The following RHOU variants were observed in gnomAD, a reference collection of about 807,000 sequenced individuals.
RHOU encodes rho-related GTP-binding protein RhoU.
In RHOU, 8 loss-of-function variants were observed where a neutral mutation model predicts 12.6. The ratio of observed to expected loss-of-function variants is 0.64; its 90% confidence interval spans 0.37 to 1.15. RHOU has a LOEUF of 1.15. Ranked by LOEUF, RHOU falls within the 50% of genes most tolerant of loss-of-function variation. The probability of loss-of-function intolerance (pLI) is 0.01; values close to 1 mark genes in which losing one functional copy is unlikely to be tolerated. For missense variants in RHOU, 258 were observed against 347.0 expected, an observed-to-expected ratio of 0.74 and a Z score of 2.04; for synonymous variants, 161 against 147.4, an observed-to-expected ratio of 1.09 and a Z score of -0.67.
the RHOU span, among the ~76,000 whole-genome samples, chr1:228,671,499 G>A: frequency 3.3e-5 from 5 of 151,712 alleles, no homozygotes; most frequent in East Asian, 1.9e-4. Context: ...AGTGGATTAC[G>A]TTAGGTCAGG....
At chr1:228,733,986 A>G (rs1662544725), upstream of RHOU, among the ~76,000 whole-genome samples, 1 of 152,048 alleles carries the variant, frequency 6.6e-6, no homozygotes, top group Admixed American at 6.5e-5. Context: ...AATTTGTCAT[A>G]AATTTTGCAT....
At chr1:228,653,298 G>T in the RHOU span, among the ~76,000 whole-genome samples, 1 of 152,264 alleles carries the variant, frequency 6.6e-6, no homozygotes, top group East Asian at 1.9e-4. Context: ...TGGGAGTCAG[G>T]CTGGTGCCAT....
the RHOU span, among the ~76,000 whole-genome samples, chr1:228,647,101 C>A: frequency 2.6e-5 from 4 of 152,188 alleles, no homozygotes; most frequent in Non-Finnish European, 4.4e-5. Context: ...CTTCGGTAGG[C>A]AGCCCCCTTT....
the RHOU span, among the ~76,000 whole-genome samples, chr1:228,724,675 A>C: frequency 6.6e-6 from 1 of 152,220 alleles, no homozygotes; most frequent in Non-Finnish European, 1.5e-5. Context: ...ATACATGATT[A>C]TTAACTATAG....
At chr1:228,650,011 T>G in the RHOU span, 2 of 353,212 alleles carry the variant, frequency 5.7e-6, no homozygotes, top group Admixed American at 9.3e-5. Flanking sequence ...ACCATAATTA[T>G]TCTATTCTAA....
In RHOU at chr1:228,743,567, G is replaced by T; in HGVS notation, c.604G>T (p.Glu202Ter). The change falls in exon 3 of 3, where the codon GAG (glutamate) becomes TAG (stop). Residue 202 changes from glutamate to a stop codon, truncating the protein, a stop_gained. Coordinates refer to ENST00000366691, the MANE Select transcript of RHOU (RefSeq NM_021205.6). LOFTEE classifies it high-confidence loss of function. This position sits in a 1 kb window ranked among gnomAD's most constrained non-coding sequence, Gnocchi z 5.1. Reference sequence around the variant, plus strand: ...GGAAATCAAAGCCGCCTCCTACATCGAGTGTTCAGCCTTGACTCAAAAAAA... The same window carrying T: ...GGAAATCAAAGCCGCCTCCTACATCTAGTGTTCAGCCTTGACTCAAAAAAA... ...AEEIKAASYI[E>*]CSALTQKNLK... 1.2e-6 allele frequency: 2 copies of T among 1,614,138 alleles called. No individual in the cohort carries two copies. Among genetic ancestry groups the T allele is most frequent in the South Asian group, 2.2e-5 (2 of 91,066 alleles).
chr1:228,726,613 T>C, the RHOU span, among the ~76,000 whole-genome samples: 3 of 148,734 alleles, frequency 2.0e-5, no homozygotes, highest in Non-Finnish European at 4.4e-5. Flanking sequence ...TGCAGTGAGC[T>C]GAGATCGTGC....
At chr1:228,707,125 T>TAC in the RHOU span, among the ~76,000 whole-genome samples, 2 of 75,906 alleles carry the variant, frequency 2.6e-5, no homozygotes, top group South Asian at 3.3e-4. Flanking sequence ...TATATATATA[T>TAC]ACATATATAT....
At chr1:228,713,882 G>C in the RHOU span, among the ~76,000 whole-genome samples, 2 of 152,108 alleles carry the variant, frequency 1.3e-5, no homozygotes, top group African/African-American at 4.8e-5. Context: ...AGCATACTCA[G>C]CTTGTGTCTG....
At chr1:228,679,976 G>A in the RHOU span, among the ~76,000 whole-genome samples, 1 of 152,142 alleles carries the variant, frequency 6.6e-6, no homozygotes, top group African/African-American at 2.4e-5. Context: ...AACTAAAAAG[G>A]AGTGCATAAA....
At chr1:228,696,810 G>A in the RHOU span, among the ~76,000 whole-genome samples, 481 of 152,236 alleles carry the variant, frequency 3.2e-3, 5 homozygotes, top group Middle Eastern at 0.027. Context: ...ACCTGCCAAA[G>A]TGCTGGGATT....
chr1:228,728,214 CT>C, the RHOU span, among the ~76,000 whole-genome samples: 1 of 152,220 alleles, frequency 6.6e-6, no homozygotes, highest in African/African-American at 2.4e-5. Context: ...GTAGCTCAGC[CT>C]GCCTAGAACA....
chr1:228,693,456 A>C, the RHOU span, among the ~76,000 whole-genome samples: 319 of 152,242 alleles, frequency 2.1e-3, no homozygotes, highest in African/African-American at 7.1e-3. Context: ...AAGTCCCATC[A>C]TTACCTCAGG....
At chr1:228,719,065 GGT>G in the RHOU span, among the ~76,000 whole-genome samples, 3 of 152,160 alleles carry the variant, frequency 2.0e-5, no homozygotes, top group Non-Finnish European at 4.4e-5. Context: ...TGTTGGAGGG[GGT>G]ATATGAGAGT....
the RHOU span, among the ~76,000 whole-genome samples, chr1:228,722,798 T>C: frequency 6.6e-6 from 1 of 152,142 alleles, no homozygotes; most frequent in South Asian, 2.1e-4. Flanking sequence ...AATTTTTCTA[T>C]TTTTGGTAGA....
At chr1:228,651,235 A>G in the RHOU span, 1 of 209,172 alleles carries the variant, frequency 4.8e-6, no homozygotes, top group Non-Finnish European at 1.0e-5. Flanking sequence ...CAGGCTCTTC[A>G]TTGATAAGCC....
chr1:228,708,482 G>C, the RHOU span, among the ~76,000 whole-genome samples: 1 of 151,578 alleles, frequency 6.6e-6, no homozygotes, highest in Non-Finnish European at 1.5e-5. Context: ...CTACAAGCCA[G>C]AAGAGAGTGG....
chr1:228,715,842 G>A, the RHOU span, among the ~76,000 whole-genome samples: 1 of 132,916 alleles, frequency 7.5e-6, no homozygotes, highest in Non-Finnish European at 1.6e-5. Flanking sequence ...ATTTTTTTTT[G>A]CATTATTTGA....
the RHOU span, among the ~76,000 whole-genome samples, chr1:228,727,595 A>G: frequency 6.6e-6 from 1 of 152,208 alleles, no homozygotes; most frequent in Non-Finnish European, 1.5e-5. Flanking sequence ...TGAGTCTTAT[A>G]TTGTTATTGC....
Sources: gnomAD v4.1 joint callset for allele counts (sites outside exome capture counted in the v4.1 genomes callset) on GRCh38, gnomAD v4.1.1 for gene constraint, Gnocchi (gnomAD v3.1) non-coding constraint, MANE v1.5 for transcripts, NCBI Gene and HGNC (gene_info 2026-07-23, HGNC 2026-07-21) for gene names.